The following NLRP6 variants were observed in gnomAD, a reference collection of about 807,000 sequenced individuals.
NLRP6 encodes NLR family pyrin domain containing 6.
A neutral mutation model predicts 70.9 loss-of-function variants in NLRP6; 55 were observed. That is an observed-to-expected ratio of 0.78 (90% CI 0.62 to 0.97). NLRP6 has a LOEUF of 0.97. Ranked by LOEUF, NLRP6 falls within the 50% of genes least tolerant of loss-of-function variation. NLRP6 has a pLI of 0.00. For synonymous variants in NLRP6, 652 were observed against 581.9 expected (o/e 1.12, Z -1.73); for missense variants, 1,241 against 1,238.3 (o/e 1.00, Z -0.03).
At chr11:282,591 G>A (rs113730491) in intron 4 of NLRP6, 114 bp from the exon 5 acceptor site, 4 of 815,130 alleles carry the variant, frequency 4.9e-6, no homozygotes, top group African/African-American at 1.7e-5. Flanking sequence ...GCTCAGCAAG[G>A]AGGTGAGGAG....
chr11:282,595 TGAG>T (rs1233434392), intron 4 of NLRP6, 107 bp from the exon 5 acceptor site: 6 of 837,678 alleles, frequency 7.2e-6, no homozygotes, highest in Admixed American at 5.5e-5. Flanking sequence ...AGCAAGGAGG[TGAG>T]GAGGAGGGGC....
At position 281,626 on chromosome 11, in the gene NLRP6, A is replaced by G. The variant is rs761739072; in HGVS notation, c.1892A>G (p.Asp631Gly). ...TACTGCCTGTACGAGACGCAGGAGG[A>G]CGCGTTTGTGCGCCAAGCCCTGTGC... ...LLYCLYETQE[D>G]AFVRQALCRF... Residue 631 changes from aspartate to glycine, a missense_variant, in exon 4 of 8, where the codon GAC becomes GGC. By Grantham distance (94) the Asp-to-Gly change is moderately conservative. Transcript: ENST00000534750. 3.1e-6 allele frequency: 5 copies of G among 1,612,802 alleles called. No individual in the cohort carries two copies. In the African/African-American group the frequency reaches 6.7e-5, roughly 22 times the overall value.
At chr11:284,147 C>T (rs931748132) in intron 5 of NLRP6, 83 bp from the exon 6 acceptor site, 112 of 1,289,710 alleles carry the variant, frequency 8.7e-5, no homozygotes, top group African/African-American at 2.0e-4. Flanking sequence ...CCTGGGCCAC[C>T]GGGCAGCGGG....
chr11:285,158 G>C lies in NLRP6; in HGVS notation c.2538-8G>C. On this transcript the variant is annotated splice_region_variant and splice_polypyrimidine_tract_variant and intron_variant, in intron 7 of 7. Coordinates refer to ENST00000534750, the MANE Select transcript of NLRP6 (RefSeq NM_001276700.2). ...CTGACCCCGCTTCTGCTCTGCGTGT[G>C]GCTGCAGTCTGGCCTCTGTGGAGCT... 6.3e-7 allele frequency: 1 copy of C among 1,579,034 alleles called. No individual in the cohort carries two copies. The highest frequency in any genetic ancestry group is 1.2e-5 in the South Asian group (1 of 86,756).
At chr11:285,117 C>T in intron 7 of NLRP6, 49 bp from the exon 8 acceptor site, 2 of 1,547,612 alleles carry the variant, frequency 1.3e-6, no homozygotes, top group Non-Finnish European at 8.7e-7. Flanking sequence ...CAAGCCCTGG[C>T]TGCTTTCCCC....
chr11:283,369 A>G (rs1845505892), intron 5 of NLRP6, among the ~76,000 whole-genome samples: 1 of 138,758 alleles, frequency 7.2e-6, no homozygotes, highest in South Asian at 2.2e-4. Flanking sequence ...GCTGGAGTGC[A>G]GTGGTGTGAT....
intron 7 of NLRP6, 45 bp downstream of exon 7, chr11:284,687 C>G (rs535721520): frequency 2.5e-4 from 391 of 1,548,236 alleles, no homozygotes; most frequent in Admixed American, 3.2e-4. Flanking sequence ...AGCCTGTCAA[C>G]CCGGGGAGGG....
rs1261487619 is a variant in NLRP6 at position 284,660 on chromosome 11, A to T, written c.2537+18A>T. 2.1e-5 allele frequency: 34 copies of T among 1,591,324 alleles called. No individual in the cohort carries two copies. Among genetic ancestry groups the T allele is most frequent in the East Asian group, 2.0e-4 (9 of 44,552 alleles). ...ACCCTCAGGTGGAGGCAGGGGTGGGAAGGGTGCTGGGGACACAGCCTGTCA... is the reference window on the plus strand; with the variant it reads ...ACCCTCAGGTGGAGGCAGGGGTGGGTAGGGTGCTGGGGACACAGCCTGTCA... On this transcript the variant is annotated intron_variant, in intron 7 of 7. Transcript: ENST00000534750.
In NLRP6 at chr11:282,788, G is replaced by A. The variant is rs141655877; in HGVS notation, c.2189G>A (p.Ser730Asn). ...QAMTDPLCHLSSLTLSHCKLP... is the reference protein window; with the variant it reads ...QAMTDPLCHLNSLTLSHCKLP... ...ATGACTGACCCACTGTGCCATCTGA[G>A]CAGCCTCACGTGAGTGGCCACACCC... The change falls in exon 5 of 8, where the codon AGC becomes AAC. Residue 730 changes from serine to asparagine, a missense_variant. By Grantham distance (46) the Ser-to-Asn change is conservative (BLOSUM62 1). Coordinates refer to ENST00000534750, the MANE Select transcript of NLRP6 (RefSeq NM_001276700.2). 13 of 1,612,214 alleles carry A rather than the reference G, an allele frequency of 8.1e-6. No homozygotes were observed. Among genetic ancestry groups the A allele is most frequent in the South Asian group, 1.1e-5 (1 of 91,058 alleles).
rs370730841 is a variant in NLRP6 at position 281,722 on chromosome 11, T to C, written c.1988T>C (p.Val663Ala). The C allele has an allele frequency of 2.1e-5, 34 of 1,613,160 alleles. 1 individual carries two copies. Among genetic ancestry groups the C allele is most frequent in the Middle Eastern group, 1.6e-4 (1 of 6,084 alleles). ...GACGTGGCTGTTCTGAGCTACTGCGTGAGGTGCTGCCCTGCTGGACAGGCA... is the reference window on the plus strand; with the variant it reads ...GACGTGGCTGTTCTGAGCTACTGCGCGAGGTGCTGCCCTGCTGGACAGGCA... Reference protein sequence around the residue: ...RMDVAVLSYCVRCCPAGQALR... With the variant: ...RMDVAVLSYCARCCPAGQALR... The change falls in exon 4 of 8, where the codon GTG becomes GCG. Residue 663 changes from valine (V) to alanine (A), a missense_variant. By Grantham distance (64) the Val-to-Ala change is moderately conservative (BLOSUM62 0). Coordinates refer to ENST00000534750, the MANE Select transcript of NLRP6 (RefSeq NM_001276700.2).
intron 2 of NLRP6, 21 bp downstream of exon 2, chr11:279,628 C>A: frequency 7.2e-7 from 1 of 1,389,076 alleles, no homozygotes; most frequent in Non-Finnish European, 9.3e-7. Context: ...CGCGGGAGGT[C>A]CCTCCTGTCT....
At position 284,281 on chromosome 11, in the gene NLRP6, C is replaced by T. The variant is rs1845522500; in HGVS notation, c.2250C>T (p.Ala750=). 1.2e-6 allele frequency: 2 copies of T among 1,612,966 alleles called. No homozygotes were observed. The highest frequency in any genetic ancestry group is 1.3e-5 in the African/African-American group (1 of 74,924). The part of the protein sequence containing the change: ...PDAVCRDLSE[A]LRAAPALTEL... ...CGGTCTGCCGAGACCTTTCTGAGGC[C>T]CTGAGGGCAGCCCCCGCACTGACGG... Residue 750 remains alanine (A), a synonymous_variant, in exon 6 of 8, where the codon GCC becomes GCT. Transcript: ENST00000534750.
chr11:281,043 C>G lies in NLRP6; in HGVS notation c.1309C>G (p.Arg437Gly). ...LSSAPVADGP[R>G]LQGDLRNLCR... ...CTCGGCTCCGGTAGCCGACGGGCCC[C>G]GGTTGCAGGGCGACCTGCGCAATCT... The change falls in exon 4 of 8, where the codon CGG becomes GGG. Residue 437 changes from arginine to glycine, a missense_variant. Arg to Gly is a moderately radical substitution (Grantham distance 125). Coordinates refer to ENST00000534750, the MANE Select transcript of NLRP6 (RefSeq NM_001276700.2). 6.2e-7 allele frequency: 1 copy of G among 1,613,024 alleles called. No homozygotes were observed. Among genetic ancestry groups the G allele is most frequent in the Non-Finnish European group, 8.5e-7 (1 of 1,179,938 alleles).
At position 280,609 on chromosome 11, in the gene NLRP6, C is replaced by A; in HGVS notation, c.875C>A (p.Ala292Asp). The A allele has an allele frequency of 1.4e-6, 2 of 1,448,132 alleles. No homozygotes were observed. Among genetic ancestry groups the A allele is most frequent in the Non-Finnish European group, 9.0e-7 (1 of 1,112,998 alleles). 89.7% of individuals were successfully genotyped at this position (1,448,132 alleles called of 1,614,324 possible). A position where few individuals can be genotyped will look rare whatever the true frequency, so the allele number is the denominator to read the frequency against. The change falls in exon 4 of 8, where the codon GCC (alanine) becomes GAC (aspartate). Residue 292 changes from alanine to aspartate, a missense_variant. Transcript: ENST00000534750. ...CTGCCGGCGCTGGGGGGCCCCGAGG[C>A]CGCGCCCTGCACAGACCCCTTCGAG... ...DELPALGGPE[A>D]APCTDPFEAA...
Position 284,513 on chromosome 11 carries a change from T to C in NLRP6, c.2408T>C (p.Leu803Pro). The C allele has an allele frequency of 6.2e-7, 1 of 1,612,964 alleles. No individual in the cohort carries two copies. Among genetic ancestry groups the C allele is most frequent in the Non-Finnish European group, 8.5e-7 (1 of 1,179,856 alleles). The change falls in exon 7 of 8, where the codon CTG (leucine) becomes CCG (proline). Residue 803 changes from leucine to proline, a missense_variant. Leu to Pro is a moderately conservative substitution (Grantham distance 98, BLOSUM62 -3). Coordinates refer to ENST00000534750, the MANE Select transcript of NLRP6 (RefSeq NM_001276700.2). ...LPDPQRGLQY[L>P]VGMLRQSPAL... ...GACCCCCAGCGAGGGCTCCAGTACC[T>C]GGTGGGTATGCTTCGGCAGAGCCCT...
chr11:279,162 G>T, intron 1 of NLRP6, 165 bp from the exon 2 acceptor site: 1 of 550,408 alleles, frequency 1.8e-6, no homozygotes. Context: ...AAAAGTCTGG[G>T]GTCACTCCCC....
In NLRP6 at chr11:284,602, G is replaced by A. The variant is rs767522774; in HGVS notation, c.2497G>A (p.Ala833Thr). 36 of 1,610,730 alleles carry A rather than the reference G, an allele frequency of 2.2e-5. No homozygotes were observed. The highest frequency in any genetic ancestry group is 2.8e-5 in the Non-Finnish European group (33 of 1,179,766). ...CGCCCCCATGGTGACCTACCTGTGT[G>A]CAGTCCTGCAGCACCAGGGATGCGG... Reference protein sequence around the residue: ...LPAPMVTYLCAVLQHQGCGLQ... With the variant: ...LPAPMVTYLCTVLQHQGCGLQ... The change falls in exon 7 of 8, where the codon GCA (alanine) becomes ACA (threonine). Residue 833 changes from alanine (A) to threonine (T), a missense_variant. Coordinates refer to ENST00000534750, the MANE Select transcript of NLRP6 (RefSeq NM_001276700.2).
At chr11:279,636 T>C (rs1057144733) in intron 2 of NLRP6, 29 bp downstream of exon 2, 5 of 1,386,894 alleles carry the variant, frequency 3.6e-6, no homozygotes, top group Non-Finnish European at 4.7e-6. Context: ...GTCCCTCCTG[T>C]CTGGGCAGAG....
Position 279,626 on chromosome 11 carries a change from G to T in NLRP6, c.310+19G>T, listed in dbSNP as rs919178837. On this transcript the variant is annotated intron_variant, in intron 2 of 7. Transcript: ENST00000534750. ...CTGCAGCGTGAGTTCTGCGCGGGAG[G>T]TCCCTCCTGTCTGGGCAGAGGCTGG... The T allele has an allele frequency of 4.3e-6, 6 of 1,390,006 alleles. No homozygotes were observed. Among genetic ancestry groups the T allele is most frequent in the African/African-American group, 1.5e-5 (1 of 65,632 alleles). The allele number at this position is 1,390,006 out of a possible 1,614,324, so 86.1% of individuals were successfully genotyped here. A position where few individuals can be genotyped will look rare whatever the true frequency, so the allele number is the denominator to read the frequency against.
Sources: allele counts gnomAD v4.1 joint callset (sites outside exome capture counted in the v4.1 genomes callset), GRCh38; gene constraint gnomAD v4.1.1; transcripts MANE v1.5; gene names NCBI Gene and HGNC (gene_info 2026-07-23, HGNC 2026-07-21).